PAK1: variants seen among roughly 807,000 people sequenced by gnomAD.
The protein encoded by PAK1 is serine/threonine-protein kinase PAK 1.
In PAK1, 29 loss-of-function variants were observed where a neutral mutation model predicts 67.4. That is an observed-to-expected ratio of 0.43 (90% CI 0.32 to 0.59). The LOEUF is 0.59. PAK1 is among the 20% of genes least tolerant of loss of function. The probability of loss-of-function intolerance (pLI) is 0.07; values close to 1 mark genes in which losing one functional copy is unlikely to be tolerated. For synonymous variants in PAK1, 223 were observed against 237.4 expected (o/e 0.94, Z 0.56); for missense variants, 337 against 670.7 (o/e 0.50, Z 5.50).
At chr11:77,354,278 T>C (rs1229556244) in intron 7 of PAK1, among the ~76,000 whole-genome samples, 8 of 152,090 alleles carry the variant, frequency 5.3e-5, no homozygotes, top group East Asian at 1.9e-4. Flanking sequence ...ACACAGCAAA[T>C]TGGTGTCAGA....
At chr11:77,354,755 C>A (rs1439737394) in intron 7 of PAK1, among the ~76,000 whole-genome samples, 1 of 152,150 alleles carries the variant, frequency 6.6e-6, no homozygotes, top group Non-Finnish European at 1.5e-5. Flanking sequence ...TAGAGAACCA[C>A]AAAGCAATGC....
At chr11:77,427,562 G>A (rs1239816063) in intron 1 of PAK1, among the ~76,000 whole-genome samples, 1 of 152,104 alleles carries the variant, frequency 6.6e-6, no homozygotes, top group African/African-American at 2.4e-5. Flanking sequence ...TCAAATGAAA[G>A]CAACAGATTC....
intron 7 of PAK1, 21 bp downstream of exon 7, chr11:77,355,647 A>C (rs1945928774): frequency 1.2e-6 from 2 of 1,601,630 alleles, no homozygotes; most frequent in Non-Finnish European, 8.6e-7. Flanking sequence ...AGAAAGGTTC[A>C]GAAAGCTACA....
chr11:77,376,618 TCCCAGCTAC>T (rs1949119201), intron 4 of PAK1, among the ~76,000 whole-genome samples: 1 of 151,270 alleles, frequency 6.6e-6, no homozygotes, highest in South Asian at 2.1e-4. Flanking sequence ...GCACCTGTAG[TCCCAGCTAC>T]CTGGGAGGCT....
intron 9 of PAK1, among the ~76,000 whole-genome samples, chr11:77,347,728 T>C (rs965429369): frequency 6.6e-6 from 1 of 152,240 alleles, no homozygotes; most frequent in African/African-American, 2.4e-5. Flanking sequence ...AGGTGTGGCA[T>C]AAAGCAAATG....
intron 1 of PAK1, among the ~76,000 whole-genome samples, chr11:77,454,247 G>A (rs1463435063): frequency 6.6e-6 from 1 of 152,096 alleles, no homozygotes; most frequent in Non-Finnish European, 1.5e-5. Context: ...AGGGGAGCCC[G>A]AAGCTCAATG....
At chr11:77,503,916 T>C in the PAK1 span, among the ~76,000 whole-genome samples, 1 of 151,936 alleles carries the variant, frequency 6.6e-6, no homozygotes. Flanking sequence ...TGAGATGGAG[T>C]CTCCTCTCTC....
At chr11:77,457,205 GAGAAA>G (rs1193424397) in intron 1 of PAK1, among the ~76,000 whole-genome samples, 1 of 152,196 alleles carries the variant, frequency 6.6e-6, no homozygotes, top group Non-Finnish European at 1.5e-5. Context: ...ACACAGAGAA[GAGAAA>G]ATTATATTTA....
chr11:77,365,388 G>A (rs1205352873), intron 5 of PAK1, among the ~76,000 whole-genome samples: 5 of 146,364 alleles, frequency 3.4e-5, no homozygotes, highest in Non-Finnish European at 5.9e-5. Context: ...AAGCACACCA[G>A]CATACATATA....
chr11:77,462,836 A>G (rs557723536), intron 1 of PAK1, among the ~76,000 whole-genome samples: 1 of 151,596 alleles, frequency 6.6e-6, no homozygotes, highest in South Asian at 2.1e-4. Context: ...CATCTCCAAA[A>G]AAAAAAAAAA....
chr11:77,359,023 C>A lies in PAK1; in HGVS notation c.478-6G>T, dbSNP rs372029553. On this transcript the variant is annotated splice_region_variant and splice_polypyrimidine_tract_variant and intron_variant, in intron 5 of 14. Coordinates refer to ENST00000356341, the MANE Select transcript of PAK1 (RefSeq NM_002576.5). ...TCAGACACAGCCTTCACATTCTGTGCAAAGAAGAAAAGCAAGATGCATCTG... is the reference window on the plus strand; with the variant it reads ...TCAGACACAGCCTTCACATTCTGTGAAAAGAAGAAAAGCAAGATGCATCTG... 1.6e-5 allele frequency: 25 copies of A among 1,612,302 alleles called. No homozygotes were observed. Among genetic ancestry groups the A allele is most frequent in the Non-Finnish European group, 2.1e-5 (25 of 1,179,116 alleles).
At chr11:77,459,153 AG>A (rs1160635711) in intron 1 of PAK1, among the ~76,000 whole-genome samples, 1 of 152,228 alleles carries the variant, frequency 6.6e-6, no homozygotes, top group African/African-American at 2.4e-5. Flanking sequence ...CTGAAGAGGT[AG>A]GTGAGGTCAA....
chr11:77,452,896 C>G (rs537458772), intron 1 of PAK1, among the ~76,000 whole-genome samples: 1 of 152,326 alleles, frequency 6.6e-6, no homozygotes, highest in South Asian at 2.1e-4. Context: ...GTTGGCACAT[C>G]AGCCCTGCCT....
intron 10 of PAK1, among the ~76,000 whole-genome samples, chr11:77,341,212 T>A (rs1339980507): frequency 1.3e-5 from 2 of 152,188 alleles, no homozygotes; most frequent in African/African-American, 4.8e-5. Context: ...CTGAGATCTA[T>A]GAGACCAAGT....
chr11:77,417,500 A>G (rs146063963), intron 1 of PAK1, among the ~76,000 whole-genome samples: 449 of 152,354 alleles, frequency 2.9e-3, no homozygotes, highest in African/African-American at 0.01. Context: ...GAATAGGTGA[A>G]GCACGGGGCA....
In PAK1 at chr11:77,359,073, A is replaced by G. The variant is rs1015896850; in HGVS notation, c.478-56T>C. On this transcript the variant is annotated intron_variant, in intron 5 of 14. Coordinates refer to ENST00000356341, the MANE Select transcript of PAK1 (RefSeq NM_002576.5). ...GGTCCAGCTGCCATGGAACTTAACTATCAGGATCACCAAACCTCCCACGAG... is the reference window on the plus strand; with the variant it reads ...GGTCCAGCTGCCATGGAACTTAACTGTCAGGATCACCAAACCTCCCACGAG... 1.2e-5 allele frequency: 18 copies of G among 1,563,156 alleles called. No homozygotes were observed. The African/African-American group carries it at 1.6e-4, about 14-fold the overall frequency.
At chr11:77,520,256 A>G in the PAK1 span, among the ~76,000 whole-genome samples, 1 of 151,836 alleles carries the variant, frequency 6.6e-6, no homozygotes, top group Non-Finnish European at 1.5e-5. Flanking sequence ...GATGAAGACC[A>G]CTCTTAACTG....
chr11:77,525,726 C>T, the PAK1 span, among the ~76,000 whole-genome samples: 1 of 152,232 alleles, frequency 6.6e-6, no homozygotes, highest in African/African-American at 2.4e-5. Flanking sequence ...AGTGATCTTT[C>T]TCAGGCGTCT....
chr11:77,327,650 G>A (rs964837087), intron 14 of PAK1, among the ~76,000 whole-genome samples: 60 of 152,188 alleles, frequency 3.9e-4, no homozygotes, highest in African/African-American at 1.4e-3. Flanking sequence ...AACATGGAAA[G>A]GAACAACCAG....
Sources: gnomAD v4.1 joint callset for allele counts (sites outside exome capture counted in the v4.1 genomes callset) on GRCh38, gnomAD v4.1.1 for gene constraint, MANE v1.5 for transcripts, NCBI Gene and HGNC (gene_info 2026-07-23, HGNC 2026-07-21) for gene names.